GPHN: variants seen among roughly 807,000 people sequenced by gnomAD.
The protein encoded by GPHN is gephyrin.
GPHN carries 17 observed loss-of-function variants against 95.5 expected under a neutral mutation model. The observed-to-expected ratio is 0.18, with a 90% CI of 0.12 to 0.27. The LOEUF (loss-of-function observed/expected upper bound fraction) is 0.27. Among genes scored for constraint, GPHN ranks in the 10% least tolerant of loss-of-function variants. The pLI is 1.00. For missense variants in GPHN, 660 were observed against 978.1 expected (o/e 0.67, Z 4.34); for synonymous variants, 320 against 322.5 (o/e 0.99, Z 0.08).
intron 2 of GPHN, among the ~76,000 whole-genome samples, chr14:66,743,050 A>G (rs1189021017): frequency 6.6e-6 from 1 of 151,940 alleles, no homozygotes; most frequent in East Asian, 1.9e-4. Flanking sequence ...ACTGTTGTTC[A>G]TTCACAACAA....
At chr14:66,515,523 C>G (rs2058205324) in intron 1 of GPHN, among the ~76,000 whole-genome samples, 1 of 151,978 alleles carries the variant, frequency 6.6e-6, no homozygotes, top group Non-Finnish European at 1.5e-5. Context: ...TAATTTTAGA[C>G]TAATGAAATT....
At chr14:66,682,157 G>A (rs184303715) in intron 2 of GPHN, among the ~76,000 whole-genome samples, 297 of 152,286 alleles carry the variant, frequency 2.0e-3, no homozygotes, top group African/African-American at 6.5e-3. Context: ...TATATATGAT[G>A]TCGTGAGTTC....
Position 66,909,514 on chromosome 14 carries a change from G to A in GPHN, c.390-6489G>A, listed in dbSNP as rs115493055. On this transcript the variant is annotated intron_variant, in intron 5 of 22. Coordinates refer to ENST00000478722, the MANE Select transcript of GPHN (RefSeq NM_020806.5). ...GATTTATTTCAAGGACACAAAGATG[G>A]TTAACTGATTAACATGAATCACTGC... 7.6e-3 allele frequency among the ~76,000 whole-genome samples: 1,150 copies of A among 151,998 alleles called. 6 individuals carry two copies. The highest frequency in any genetic ancestry group is 0.026 in the African/African-American group (1,090 of 41,520).
the GPHN span, among the ~76,000 whole-genome samples, chr14:67,605,984 G>C: frequency 6.6e-6 from 1 of 152,120 alleles, no homozygotes; most frequent in Non-Finnish European, 1.5e-5. Context: ...ACCGTACCTA[G>C]CTTATTAGTA....
intron 8 of GPHN, among the ~76,000 whole-genome samples, chr14:66,953,207 T>C (rs1309875164): frequency 7.4e-6 from 1 of 135,780 alleles, no homozygotes; most frequent in Admixed American, 7.8e-5. Context: ...GTTAGAGTTC[T>C]TTACATATTA....
At chr14:66,910,515 TC>T (rs2065620950) in intron 5 of GPHN, among the ~76,000 whole-genome samples, 1 of 151,994 alleles carries the variant, frequency 6.6e-6, no homozygotes, top group Admixed American at 6.6e-5. Context: ...ATCTGCTTAT[TC>T]CTGTGACTCA....
At chr14:67,628,850 A>G in the GPHN span, among the ~76,000 whole-genome samples, 2 of 152,188 alleles carry the variant, frequency 1.3e-5, no homozygotes, top group African/African-American at 4.8e-5. Flanking sequence ...TAGAATTACT[A>G]TATGATTTAG....
the GPHN span, among the ~76,000 whole-genome samples, chr14:67,469,898 G>A: frequency 1.3e-5 from 2 of 152,294 alleles, no homozygotes; most frequent in South Asian, 4.1e-4. Context: ...CTCATGAGAT[G>A]TCTCAGGTCA....
At chr14:67,353,595 C>G in the GPHN span, 1 of 152,344 alleles carries the variant, frequency 6.6e-6, no homozygotes, top group Non-Finnish European at 1.5e-5. Flanking sequence ...TCAAGCAATT[C>G]TCCCACCCCA....
At chr14:67,725,292 G>C in the GPHN span, 1 of 1,608,430 alleles carries the variant, frequency 6.2e-7, no homozygotes, top group Admixed American at 1.7e-5. Flanking sequence ...GCAGGAAATT[G>C]GGTATGGGAG....
intron 19 of GPHN, among the ~76,000 whole-genome samples, chr14:67,163,248 G>A (rs1285719622): frequency 6.6e-6 from 1 of 152,142 alleles, no homozygotes; most frequent in African/African-American, 2.4e-5. Context: ...GGAGACTGCA[G>A]TGAGCCATGA....
At chr14:66,659,028 T>C (rs1428280293) in intron 1 of GPHN, among the ~76,000 whole-genome samples, 1 of 152,004 alleles carries the variant, frequency 6.6e-6, no homozygotes, top group Non-Finnish European at 1.5e-5. Flanking sequence ...TTTATGCTTA[T>C]ATTATTGATT....
At chr14:66,516,770 T>A (rs2058262717) in intron 1 of GPHN, among the ~76,000 whole-genome samples, 1 of 152,208 alleles carries the variant, frequency 6.6e-6, no homozygotes, top group African/African-American at 2.4e-5. Context: ...AAAAACACAT[T>A]AATGTGCACT....
At chr14:67,716,160 G>A in the GPHN span, among the ~76,000 whole-genome samples, 2 of 149,958 alleles carry the variant, frequency 1.3e-5, no homozygotes, top group African/African-American at 2.5e-5. Flanking sequence ...TCACGCCACT[G>A]CACTCCAGCC....
intron 2 of GPHN, among the ~76,000 whole-genome samples, chr14:66,695,021 C>T (rs377258543): frequency 1.3e-5 from 2 of 151,722 alleles, no homozygotes; most frequent in Non-Finnish European, 2.9e-5. Context: ...TAGCCATGCG[C>T]GGTGGTGCAC....
At chr14:67,424,743 G>A in the GPHN span, among the ~76,000 whole-genome samples, 1 of 152,162 alleles carries the variant, frequency 6.6e-6, no homozygotes, top group South Asian at 2.1e-4. Flanking sequence ...GACTTCCACT[G>A]GGTGTGGGGT....
At chr14:67,584,008 A>G in the GPHN span, 1 of 1,614,038 alleles carries the variant, frequency 6.2e-7, no homozygotes, top group Middle Eastern at 1.6e-4. Flanking sequence ...CCTGGCAGAT[A>G]TGTTGACCAC....
the GPHN span, among the ~76,000 whole-genome samples, chr14:67,268,221 TA>T: frequency 6.6e-6 from 1 of 152,238 alleles, no homozygotes. Context: ...CTCCAGTGCT[TA>T]ATATTGTCAC....
At chr14:66,848,098 A>C (rs947786947) in intron 4 of GPHN, among the ~76,000 whole-genome samples, 3 of 152,140 alleles carry the variant, frequency 2.0e-5, no homozygotes, top group African/African-American at 4.8e-5. Flanking sequence ...AACCACCACC[A>C]GACTTTTTGT....
Sources: gnomAD v4.1 joint callset for allele counts (sites outside exome capture counted in the v4.1 genomes callset) on GRCh38, gnomAD v4.1.1 for gene constraint, MANE v1.5 for transcripts, NCBI Gene and HGNC (gene_info 2026-07-23, HGNC 2026-07-21) for gene names.